Variants in EXOC4 observed in about 807,000 individuals in gnomAD.
EXOC4 encodes the protein SEC8-like 1.
Under a neutral mutation model 107.2 loss-of-function variants are expected in EXOC4, and 71 were observed. The observed-to-expected ratio is 0.66, with a 90% CI of 0.55 to 0.81. The LOEUF (loss-of-function observed/expected upper bound fraction) is 0.81, where lower values mean the gene tolerates loss of function less well. Ranked by LOEUF, EXOC4 falls within the 30% of genes least tolerant of loss-of-function variation. EXOC4 has a pLI of 0.00. For missense variants in EXOC4, 1,108 were observed against 1,189.6 expected, an observed-to-expected ratio of 0.93 and a Z score of 1.01; for synonymous variants, 456 against 441.2, an observed-to-expected ratio of 1.03 and a Z score of -0.42.
At chr7:133,873,906 T>C (rs1160921285) in intron 11 of EXOC4, among the ~76,000 whole-genome samples, 4 of 152,198 alleles carry the variant, frequency 2.6e-5, no homozygotes, top group African/African-American at 9.6e-5. Flanking sequence ...GGGCAGTACA[T>C]GGGTGGTACT....
intron 7 of EXOC4, among the ~76,000 whole-genome samples, chr7:133,457,091 G>C (rs550226142): frequency 6.6e-6 from 1 of 152,106 alleles, no homozygotes; most frequent in Non-Finnish European, 1.5e-5. Context: ...TTAGTGAAAC[G>C]TTAATATTTG....
At chr7:133,782,891 C>T (rs1338573321) in intron 10 of EXOC4, among the ~76,000 whole-genome samples, 1 of 152,152 alleles carries the variant, frequency 6.6e-6, no homozygotes, top group Non-Finnish European at 1.5e-5. Context: ...CTGGTGGATT[C>T]TGTATGGTCA....
At position 133,620,025 on chromosome 7, in the gene EXOC4, G is replaced by A. The variant is rs192236052; in HGVS notation, c.1418-10020G>A. On this transcript the variant is annotated intron_variant, in intron 9 of 17. Coordinates refer to ENST00000253861, the MANE Select transcript of EXOC4 (RefSeq NM_021807.4). The stretch of plus-strand genomic sequence containing the variant: ...GTGTGTGTGTTTGTTTTTTTTTGTT[G>A]TTGTTAGTTTGTTTTGAGACAGAGT... Among the ~76,000 whole-genome samples, 34 of 150,358 alleles carry A rather than the reference G, an allele frequency of 2.3e-4. 1 individual carries two copies. Among genetic ancestry groups the A allele is most frequent in the African/African-American group, 8.3e-4 (34 of 40,782 alleles).
At chr7:133,488,450 C>G (rs2150871354) in intron 9 of EXOC4, among the ~76,000 whole-genome samples, 1 of 151,946 alleles carries the variant, frequency 6.6e-6, no homozygotes, top group South Asian at 2.1e-4. Flanking sequence ...TGTGTGGGCA[C>G]CCAGGGTACT....
At chr7:133,814,403 C>T (rs919922034) in intron 10 of EXOC4, among the ~76,000 whole-genome samples, 6 of 152,104 alleles carry the variant, frequency 3.9e-5, no homozygotes, top group Admixed American at 6.5e-5. Context: ...AAATATCCCA[C>T]AGTTTATTTA....
chr7:133,873,176 A>G lies in EXOC4; in HGVS notation c.1735-22423A>G, dbSNP rs1798784385. Among the ~76,000 whole-genome samples, 3 of 152,196 alleles carry G rather than the reference A, an allele frequency of 2.0e-5. No individual in the cohort carries two copies. The South Asian group carries it at 6.2e-4, about 31-fold the overall frequency. On this transcript the variant is annotated intron_variant, in intron 11 of 17. Transcript: ENST00000253861. The stretch of plus-strand genomic sequence containing the variant: ...AATTTAGCCAGTTGTGGTGGTGTGC[A>G]CCTGATTGTACTACTGCACTCTGGC...
At chr7:133,888,640 G>GT (rs1041046486) in intron 11 of EXOC4, among the ~76,000 whole-genome samples, 3 of 152,148 alleles carry the variant, frequency 2.0e-5, no homozygotes, top group Admixed American at 6.5e-5. Context: ...CTTTCAGATA[G>GT]TTTTTTTAAT....
chr7:133,298,452 G>A (rs796650876), intron 3 of EXOC4, among the ~76,000 whole-genome samples: 70 of 152,266 alleles, frequency 4.6e-4, no homozygotes, highest in African/African-American at 1.6e-3. Flanking sequence ...ACTTTAGGAC[G>A]CTTGTTAAAA....
At chr7:133,327,691 A>G (rs904406821) in intron 5 of EXOC4, among the ~76,000 whole-genome samples, 2 of 151,960 alleles carry the variant, frequency 1.3e-5, no homozygotes, top group Admixed American at 1.3e-4. Flanking sequence ...TCATTTTGTT[A>G]TTTACCCAGT....
At position 133,857,147 on chromosome 7, in the gene EXOC4, CGTATATATATATATATATATATATAT is replaced by C. The variant is rs1483259841; in HGVS notation, c.1735-38451_1735-38426del. Among the ~76,000 whole-genome samples the C allele has an allele frequency of 6.8e-4, 13 of 19,092 alleles. 2 individuals carry two copies. The highest frequency in any genetic ancestry group is 3.3e-3 in the South Asian group (2 of 606). The allele number at this position is 19,092 out of a possible 152,430, so 12.5% of individuals were successfully genotyped here. A position where few individuals can be genotyped will look rare whatever the true frequency, so the allele number is the denominator to read the frequency against. ...ATATGTATATATATATACACATACACGTATATATATATATATATATATATATATATATATATATATATATATATATA... is the reference window on the plus strand; with the variant it reads ...ATATGTATATATATATACACATACACATATATATATATATATATATATATA... On this transcript the variant is annotated intron_variant, in intron 11 of 17. Coordinates refer to ENST00000253861, the MANE Select transcript of EXOC4 (RefSeq NM_021807.4).
At chr7:133,854,686 C>T (rs1288684841) in intron 11 of EXOC4, among the ~76,000 whole-genome samples, 1 of 151,616 alleles carries the variant, frequency 6.6e-6, no homozygotes, top group South Asian at 2.1e-4. Context: ...GACCCCAAGG[C>T]ACTTTAAACT....
chr7:134,025,583 G>A (rs1395919357), intron 17 of EXOC4, among the ~76,000 whole-genome samples: 1 of 152,190 alleles, frequency 6.6e-6, no homozygotes, highest in Non-Finnish European at 1.5e-5. Flanking sequence ...ATCCGGAATG[G>A]CTTGCCTCAT....
At chr7:133,796,625 G>A (rs1222052185) in intron 10 of EXOC4, among the ~76,000 whole-genome samples, 1 of 152,064 alleles carries the variant, frequency 6.6e-6, no homozygotes, top group East Asian at 1.9e-4. Flanking sequence ...GGGCGTGGTG[G>A]CATGCACCTG....
intron 17 of EXOC4, among the ~76,000 whole-genome samples, chr7:134,063,583 G>T (rs941396089): frequency 6.6e-6 from 1 of 152,074 alleles, no homozygotes; most frequent in Non-Finnish European, 1.5e-5. Context: ...ACAGTGCTCG[G>T]GAATGAACTT....
chr7:134,038,445 A>G (rs956026234), intron 17 of EXOC4, among the ~76,000 whole-genome samples: 11 of 152,158 alleles, frequency 7.2e-5, no homozygotes, highest in African/African-American at 2.7e-4. Flanking sequence ...ATGTAGTCAG[A>G]TATTCAGGGA....
chr7:133,732,271 A>T lies in EXOC4; in HGVS notation c.1515-85054A>T, dbSNP rs1212536973. 2.0e-5 allele frequency among the ~76,000 whole-genome samples: 3 copies of T among 152,276 alleles called. No individual in the cohort carries two copies. In the South Asian group the frequency reaches 6.2e-4, roughly 32 times the overall value. ...GAACCCAGAGAAAGGAACAACACAC[A>T]CTGGGGCCTGTCAGGGGTATGGAGG... On this transcript the variant is annotated intron_variant, in intron 10 of 17. Coordinates refer to ENST00000253861, the MANE Select transcript of EXOC4 (RefSeq NM_021807.4).
At chr7:133,437,860 C>A (rs949997296) in intron 7 of EXOC4, among the ~76,000 whole-genome samples, 2 of 152,152 alleles carry the variant, frequency 1.3e-5, no homozygotes, top group Non-Finnish European at 2.9e-5. Flanking sequence ...TTGTCAAAGA[C>A]AAATTAAAAA....
At chr7:133,304,412 G>T (rs548593713) in intron 3 of EXOC4, among the ~76,000 whole-genome samples, 3 of 152,212 alleles carry the variant, frequency 2.0e-5, no homozygotes, top group African/African-American at 7.2e-5. Context: ...GCAAGTCAGC[G>T]TGAAAATGAA....
At chr7:133,647,821 C>A (rs900770543) in intron 10 of EXOC4, among the ~76,000 whole-genome samples, 8 of 152,050 alleles carry the variant, frequency 5.3e-5, no homozygotes, top group Admixed American at 4.6e-4. Flanking sequence ...TTAGAGCCAT[C>A]ATGGAAGATT....
Sources: gnomAD v4.1 joint callset for allele counts (sites outside exome capture counted in the v4.1 genomes callset) on GRCh38, gnomAD v4.1.1 for gene constraint, MANE v1.5 for transcripts, NCBI Gene and HGNC (gene_info 2026-07-23, HGNC 2026-07-21) for gene names.